The following LRRC4C variants were observed in gnomAD, a reference collection of about 807,000 sequenced individuals.
LRRC4C encodes the protein leucine rich repeat containing 4C.
In LRRC4C, 5 loss-of-function variants were observed where a neutral mutation model predicts 33.6. The observed-to-expected ratio is 0.15, with a 90% confidence interval of 0.08 to 0.31. The LOEUF (loss-of-function observed/expected upper bound fraction) is 0.31, where lower values mean the gene tolerates loss of function less well. Among genes scored for constraint, LRRC4C ranks in the 10% least tolerant of loss-of-function variants. The probability of loss-of-function intolerance (pLI) is 1.00; values close to 1 mark genes in which losing one functional copy is unlikely to be tolerated. For missense variants in LRRC4C, 560 were observed against 796.7 expected (o/e 0.70, Z 3.58); for synonymous variants, 329 against 302.0 (o/e 1.09, Z -0.93).
chr11:40,423,383 C>A (rs1368425440), intron 3 of LRRC4C, among the ~76,000 whole-genome samples: 1 of 120,746 alleles, frequency 8.3e-6, no homozygotes, highest in African/African-American at 3.1e-5. Context: ...CTCGCTCTGT[C>A]GCCCAGGCTG....
chr11:40,433,758 T>C (rs1380899721), intron 3 of LRRC4C, among the ~76,000 whole-genome samples: 1 of 152,178 alleles, frequency 6.6e-6, no homozygotes, highest in Admixed American at 6.5e-5. Flanking sequence ...AAGGAAGTAG[T>C]CCAAGGACTT....
intron 1 of LRRC4C, among the ~76,000 whole-genome samples, chr11:41,014,607 C>T (rs1184488279): frequency 6.6e-6 from 1 of 150,970 alleles, no homozygotes; most frequent in African/African-American, 2.4e-5. Context: ...ATTTCATAAA[C>T]ATACTTTGAC....
intron 1 of LRRC4C, among the ~76,000 whole-genome samples, chr11:41,141,953 A>G (rs1041158669): frequency 6.6e-6 from 1 of 152,144 alleles, no homozygotes; most frequent in Admixed American, 6.6e-5. Flanking sequence ...ATATCAATAC[A>G]AATCATCCCA....
At chr11:40,859,511 T>A (rs1264511030) in intron 2 of LRRC4C, among the ~76,000 whole-genome samples, 3 of 152,000 alleles carry the variant, frequency 2.0e-5, no homozygotes, top group African/African-American at 7.3e-5. Flanking sequence ...TAAGACAAGG[T>A]TAAATGACAA....
intron 2 of LRRC4C, among the ~76,000 whole-genome samples, chr11:40,869,632 G>A (rs958527033): frequency 5.9e-5 from 9 of 152,028 alleles, no homozygotes; most frequent in African/African-American, 1.4e-4. Context: ...TCAAGTAAGC[G>A]TGTTTACAGC....
chr11:40,569,708 C>T (rs560568338), intron 3 of LRRC4C, among the ~76,000 whole-genome samples: 1 of 151,804 alleles, frequency 6.6e-6, no homozygotes, highest in East Asian at 1.9e-4. Context: ...AAGGCTGGTA[C>T]CAAGAAAGTG....
chr11:41,189,748 C>T (rs924504765), intron 1 of LRRC4C, among the ~76,000 whole-genome samples: 2 of 152,064 alleles, frequency 1.3e-5, no homozygotes, highest in Admixed American at 6.6e-5. Context: ...AGAAGTAGGT[C>T]GTGTGAAGAC....
intron 1 of LRRC4C, among the ~76,000 whole-genome samples, chr11:41,448,120 C>CTTTTTTTTTTTTTTTTTT (rs1211366298): frequency 4.2e-5 from 1 of 23,882 alleles, no homozygotes; most frequent in Non-Finnish European, 9.8e-5. Flanking sequence ...CTGCACACGT[C>CTTTTTTTTTTTTTTTTTT]TGTTTTTTTT....
chr11:40,504,026 T>C (rs1371962045), intron 3 of LRRC4C, among the ~76,000 whole-genome samples: 3 of 152,026 alleles, frequency 2.0e-5, no homozygotes, highest in African/African-American at 7.2e-5. Context: ...TCCAAAGAAA[T>C]TGTCATTTTT....
intron 5 of LRRC4C, among the ~76,000 whole-genome samples, chr11:40,184,057 A>G (rs1479455405): frequency 2.0e-5 from 3 of 152,208 alleles, no homozygotes; most frequent in Non-Finnish European, 4.4e-5. Flanking sequence ...CAGCAGCAAA[A>G]ATCAGATGTT....
intron 1 of LRRC4C, among the ~76,000 whole-genome samples, chr11:41,398,776 C>G (rs1346739876): frequency 6.6e-6 from 1 of 151,862 alleles, no homozygotes; most frequent in Admixed American, 6.6e-5. Flanking sequence ...AGGCCTAATT[C>G]TACCATGGTA....
At chr11:40,978,543 A>G (rs1215839246) in intron 1 of LRRC4C, among the ~76,000 whole-genome samples, 1 of 152,094 alleles carries the variant, frequency 6.6e-6, no homozygotes, top group Non-Finnish European at 1.5e-5. Context: ...ACAACAAAAG[A>G]TTATCTGTCC....
At chr11:40,267,537 G>T (rs1942369648) in intron 4 of LRRC4C, among the ~76,000 whole-genome samples, 1 of 152,076 alleles carries the variant, frequency 6.6e-6, no homozygotes, top group South Asian at 2.1e-4. Flanking sequence ...ATTTTCAGTA[G>T]AGATGGGGTT....
At chr11:40,515,578 A>G (rs1450761062) in intron 3 of LRRC4C, among the ~76,000 whole-genome samples, 2 of 152,074 alleles carry the variant, frequency 1.3e-5, no homozygotes, top group Non-Finnish European at 2.9e-5. Flanking sequence ...GACTTCATGA[A>G]GTAGACTTGT....
chr11:40,932,082 G>T (rs918944997), intron 2 of LRRC4C, among the ~76,000 whole-genome samples: 1 of 152,080 alleles, frequency 6.6e-6, no homozygotes, highest in Non-Finnish European at 1.5e-5. Flanking sequence ...AATTAGGATA[G>T]ATTATGATAT....
At chr11:40,826,539 G>A (rs1055486810) in intron 2 of LRRC4C, among the ~76,000 whole-genome samples, 4 of 151,828 alleles carry the variant, frequency 2.6e-5, no homozygotes, top group East Asian at 1.9e-4. Context: ...GAAAACGCAC[G>A]TCTTTTGCTT....
At chr11:40,424,987 T>C (rs1950658722) in intron 3 of LRRC4C, among the ~76,000 whole-genome samples, 2 of 152,230 alleles carry the variant, frequency 1.3e-5, no homozygotes, top group Admixed American at 1.3e-4. Flanking sequence ...ATTTGGTCTC[T>C]GCTTCCTCTT....
At position 40,717,225 on chromosome 11, in the gene LRRC4C, C is replaced by A. The variant is rs148619310; in HGVS notation, c.-406-68947G>T. ...CTAATCATAAATGAACAGGACCTTG[C>A]ATTTTCAGTGTGCTTCGGGATTTTT... On this transcript the variant is annotated intron_variant, in intron 2 of 6. Coordinates refer to ENST00000528697, the MANE Select transcript of LRRC4C (RefSeq NM_001258419.2). Among the ~76,000 whole-genome samples, 219 of 150,490 alleles carry A rather than the reference C, an allele frequency of 1.5e-3. 5 individuals are homozygous for A. In the East Asian group the frequency reaches 0.038, roughly 26 times the overall value.
intron 3 of LRRC4C, among the ~76,000 whole-genome samples, chr11:40,386,248 G>T (rs10837394): frequency 0.38 from 57,278 of 151,930 alleles, 10,981 homozygotes; most frequent in South Asian, 0.47. Flanking sequence ...TTCCCAGCAT[G>T]TAGATCTCAC....
Sources: allele counts gnomAD v4.1 joint callset (sites outside exome capture counted in the v4.1 genomes callset), GRCh38; gene constraint gnomAD v4.1.1; transcripts MANE v1.5; gene names NCBI Gene and HGNC (gene_info 2026-07-23, HGNC 2026-07-21).